EYA4: variants seen among roughly 807,000 people sequenced by gnomAD.
EYA4 encodes EYA transcriptional coactivator and phosphatase 4.
EYA4 carries 31 observed loss-of-function variants against 87.9 expected under a neutral mutation model. The observed-to-expected ratio is 0.35, with a 90% CI of 0.27 to 0.48. The LOEUF (loss-of-function observed/expected upper bound fraction) is 0.48, where lower values mean the gene tolerates loss of function less well. EYA4 is among the 20% of genes least tolerant of loss of function. The pLI is 0.99. For missense variants in EYA4, 678 were observed against 761.4 expected, an observed-to-expected ratio of 0.89 and a Z score of 1.29; for synonymous variants, 263 against 270.6, an observed-to-expected ratio of 0.97 and a Z score of 0.28.
chr6:133,523,802 T>TTCATCAAC (rs1800395427), intron 18 of EYA4, among the ~76,000 whole-genome samples: 1 of 152,058 alleles, frequency 6.6e-6, no homozygotes, highest in Non-Finnish European at 1.5e-5. Flanking sequence ...AAAGCAAAAC[T>TTCATCAAC]TCATCAACTT....
At chr6:133,383,544 A>AAAAAAAAAAAT (rs1786436289) in intron 3 of EYA4, among the ~76,000 whole-genome samples, 3 of 150,808 alleles carry the variant, frequency 2.0e-5, no homozygotes, top group Non-Finnish European at 4.4e-5. Context: ...AAAAAAAAAA[A>AAAAAAAAAAAT]ATGTAATGGC....
chr6:133,298,130 T>G (rs1779084835), intron 2 of EYA4, among the ~76,000 whole-genome samples: 1 of 152,220 alleles, frequency 6.6e-6, no homozygotes, highest in African/African-American at 2.4e-5. Context: ...TTATACTTCT[T>G]TACTATGATA....
intron 3 of EYA4, among the ~76,000 whole-genome samples, chr6:133,416,922 C>T (rs190873549): frequency 1.3e-5 from 2 of 152,302 alleles, no homozygotes; most frequent in East Asian, 1.9e-4. Context: ...TCTGTGGTTA[C>T]GCCACTGTGG....
intron 2 of EYA4, among the ~76,000 whole-genome samples, chr6:133,288,004 C>A (rs894576283): frequency 4.6e-5 from 7 of 152,076 alleles, no homozygotes; most frequent in Non-Finnish European, 8.8e-5. Flanking sequence ...GGGCACACAC[C>A]TGTAATCCCA....
At chr6:133,515,040 A>G (rs1221208824) in intron 16 of EYA4, among the ~76,000 whole-genome samples, 3 of 152,194 alleles carry the variant, frequency 2.0e-5, no homozygotes, top group Non-Finnish European at 4.4e-5. Context: ...TAGATGATTG[A>G]GATCCACTGC....
At chr6:133,362,411 G>A (rs1275300937) in intron 2 of EYA4, among the ~76,000 whole-genome samples, 1 of 152,168 alleles carries the variant, frequency 6.6e-6, no homozygotes, top group Non-Finnish European at 1.5e-5. Context: ...ATGAGAAACT[G>A]ACCTAATGAA....
intron 2 of EYA4, among the ~76,000 whole-genome samples, chr6:133,308,085 C>T (rs1779947077): frequency 6.6e-6 from 1 of 152,148 alleles, no homozygotes; most frequent in South Asian, 2.1e-4. Context: ...TTGCCTTCCA[C>T]CATGATTGTG....
At chr6:133,334,117 G>A (rs1782186905) in intron 2 of EYA4, among the ~76,000 whole-genome samples, 1 of 152,186 alleles carries the variant, frequency 6.6e-6, no homozygotes, top group Non-Finnish European at 1.5e-5. Context: ...TTCAGTCCGT[G>A]AAAATGAGTC....
At position 133,300,186 on chromosome 6, in the gene EYA4, T is replaced by G. The variant is rs76796563; in HGVS notation, c.33+25373T>G. On this transcript the variant is annotated intron_variant, in intron 2 of 19. Transcript: ENST00000355286. ...TGTATTATTGTAAAGGTCTTCATCT[T>G]CATAATCTTCACGTTGAATAGGCTG... Among the ~76,000 whole-genome samples the G allele has an allele frequency of 7.9e-3, 1,198 of 152,052 alleles. 14 individuals are homozygous for G. Among genetic ancestry groups the G allele is most frequent in the African/African-American group, 0.028 (1,150 of 41,472 alleles).
At chr6:133,484,565 T>G (rs1055959845) in intron 13 of EYA4, among the ~76,000 whole-genome samples, 1 of 152,176 alleles carries the variant, frequency 6.6e-6, no homozygotes, top group Non-Finnish European at 1.5e-5. Context: ...TAAAGTAAAT[T>G]ATACAGAAAT....
intron 1 of EYA4, among the ~76,000 whole-genome samples, chr6:133,264,127 AGGCTGCT>A (rs1562221388): frequency 6.6e-6 from 1 of 152,158 alleles, no homozygotes; most frequent in Non-Finnish European, 1.5e-5. Context: ...GGACAGTGTG[AGGCTGCT>A]GACAGGGCGA....
chr6:133,310,841 G>T (rs965249776), intron 2 of EYA4, among the ~76,000 whole-genome samples: 5 of 152,094 alleles, frequency 3.3e-5, no homozygotes, highest in Non-Finnish European at 7.4e-5. Context: ...CATGCCTACC[G>T]TTAATTTCCT....
chr6:133,513,523 A>G (rs998460182), intron 16 of EYA4, among the ~76,000 whole-genome samples: 2 of 152,218 alleles, frequency 1.3e-5, no homozygotes, highest in Non-Finnish European at 2.9e-5. Context: ...TTTTAAAAAA[A>G]TCATGTTTTA....
chr6:133,320,277 CACTTT>C (rs1171862618), intron 2 of EYA4, among the ~76,000 whole-genome samples: 1 of 151,804 alleles, frequency 6.6e-6, no homozygotes, highest in African/African-American at 2.4e-5. Context: ...ATCACTCTTC[CACTTT>C]ACTTTTTAAA....
intron 2 of EYA4, among the ~76,000 whole-genome samples, chr6:133,320,741 C>T (rs1484920892): frequency 6.6e-6 from 1 of 152,024 alleles, no homozygotes; most frequent in African/African-American, 2.4e-5. Context: ...CATGTGTACC[C>T]ATTGTTTAGG....
intron 1 of EYA4, among the ~76,000 whole-genome samples, chr6:133,265,039 G>A (rs1776104930): frequency 6.6e-6 from 1 of 152,092 alleles, no homozygotes; most frequent in African/African-American, 2.4e-5. Flanking sequence ...GCGCCATGGT[G>A]CCTCATTCCA....
chr6:133,456,559 C>T lies in EYA4; in HGVS notation c.281C>T (p.Ser94Phe). The change falls in exon 6 of 20, where the codon TCT becomes TTT. Residue 94 changes from serine to phenylalanine, a missense_variant. By Grantham distance (155) the Ser-to-Phe change is radical (BLOSUM62 -2). Coordinates refer to ENST00000355286, the MANE Select transcript of EYA4 (RefSeq NM_004100.5). ...SCNTPSSATM[S>F]LLAVKTEPLN... ...ATGTACTTATTCTTCTACGTAGTGT[C>T]TCTTCTTGCAGTCAAAACAGAGCCC... 1 of 1,607,886 alleles carries T rather than the reference C, an allele frequency of 6.2e-7. No homozygotes were observed. The highest frequency in any genetic ancestry group is 8.5e-7 in the Non-Finnish European group (1 of 1,174,370).
intron 14 of EYA4, among the ~76,000 whole-genome samples, chr6:133,508,497 G>A (rs1798846586): frequency 1.3e-5 from 2 of 151,848 alleles, no homozygotes; most frequent in South Asian, 2.1e-4. Context: ...TCTTTTCAAA[G>A]GTATAAAAAG....
intron 3 of EYA4, among the ~76,000 whole-genome samples, chr6:133,402,555 A>G (rs1788354844): frequency 6.6e-6 from 1 of 152,210 alleles, no homozygotes; most frequent in African/African-American, 2.4e-5. Context: ...TTTGTTACCA[A>G]CACAAATGTT....
Sources: allele counts gnomAD v4.1 joint callset (sites outside exome capture counted in the v4.1 genomes callset), GRCh38; gene constraint gnomAD v4.1.1; transcripts MANE v1.5; gene names NCBI Gene and HGNC (gene_info 2026-07-23, HGNC 2026-07-21).